Variants in MYZAP observed in about 807,000 individuals in gnomAD.
MYZAP encodes the protein GRINL1A complex locus upstream.
In MYZAP, 66 loss-of-function variants were observed where a neutral mutation model predicts 69.4. That is an observed-to-expected ratio of 0.95 (90% CI 0.78 to 1.17). The LOEUF (loss-of-function observed/expected upper bound fraction) is 1.17. Among genes scored for constraint, MYZAP ranks in the 50% most tolerant of loss-of-function variants. The pLI is 0.00. For missense variants in MYZAP, 611 were observed against 556.2 expected, an observed-to-expected ratio of 1.10 and a Z score of -0.99; for synonymous variants, 256 against 205.9, an observed-to-expected ratio of 1.24 and a Z score of -2.09.
intron 1 of MYZAP, among the ~76,000 whole-genome samples, chr15:57,592,643 A>G (rs970909165): frequency 2.2e-4 from 33 of 152,184 alleles, no homozygotes; most frequent in African/African-American, 7.5e-4. Flanking sequence ...TATGTAAACC[A>G]CTTTCTTCTG....
intron 3 of MYZAP, among the ~76,000 whole-genome samples, chr15:57,619,034 T>C (rs2035648554): frequency 1.3e-5 from 2 of 152,142 alleles, no homozygotes; most frequent in African/African-American, 4.8e-5. Flanking sequence ...AGCAAGTCAC[T>C]TTTGCTCTGT....
In MYZAP at chr15:57,629,879, T is replaced by C. The variant is rs146699810; in HGVS notation, c.678+25T>C. On this transcript the variant is annotated intron_variant, in intron 6 of 12. Coordinates refer to ENST00000267853, the MANE Select transcript of MYZAP (RefSeq NM_001018100.5). Reference sequence around the variant, plus strand: ...GGTGGAGTATAAAAGCCTAGATTTATTTTCTATGAACTTTTCTCCTCTTTA... The same window carrying C: ...GGTGGAGTATAAAAGCCTAGATTTACTTTCTATGAACTTTTCTCCTCTTTA... 3.7e-6 allele frequency: 6 copies of C among 1,605,552 alleles called. No individual in the cohort carries two copies. In the African/African-American group the frequency reaches 8.1e-5, roughly 22 times the overall value.
intron 10 of MYZAP, among the ~76,000 whole-genome samples, chr15:57,652,724 C>G (rs2037791019): frequency 6.6e-6 from 1 of 152,162 alleles, no homozygotes; most frequent in African/African-American, 2.4e-5. Context: ...GAGACGACGG[C>G]TGAAGCCCAA....
At chr15:57,613,305 T>C (rs2035229666) in intron 2 of MYZAP, among the ~76,000 whole-genome samples, 1 of 152,184 alleles carries the variant, frequency 6.6e-6, no homozygotes, top group Non-Finnish European at 1.5e-5. Flanking sequence ...AGTACATTTT[T>C]TAAAATTTGT....
intron 6 of MYZAP, among the ~76,000 whole-genome samples, chr15:57,631,289 G>C (rs2036489818): frequency 1.3e-5 from 2 of 152,248 alleles, no homozygotes; most frequent in African/African-American, 4.8e-5. Context: ...GAGGTGGCCT[G>C]TCACCAGGCA....
chr15:57,600,497 A>G (rs1391861022), intron 1 of MYZAP, among the ~76,000 whole-genome samples: 2 of 152,336 alleles, frequency 1.3e-5, no homozygotes, highest in East Asian at 3.9e-4. Context: ...TGCCCAGCTC[A>G]TCATAGGAAG....
chr15:57,663,755 G>T (rs190974120), intron 11 of MYZAP, among the ~76,000 whole-genome samples: 1 of 152,200 alleles, frequency 6.6e-6, no homozygotes, highest in Non-Finnish European at 1.5e-5. Flanking sequence ...AATGCCCAGA[G>T]GATGTAGCGG....
intron 12 of MYZAP, among the ~76,000 whole-genome samples, chr15:57,679,372 GTGTT>G (rs1251420426): frequency 2.5e-5 from 1 of 39,380 alleles, no homozygotes. Context: ...GTGTGTGTGT[GTGTT>G]TCTCTCTCTC....
chr15:57,603,088 A>G (rs1369683741), intron 1 of MYZAP, among the ~76,000 whole-genome samples: 4 of 152,126 alleles, frequency 2.6e-5, no homozygotes, highest in African/African-American at 9.7e-5. Context: ...TTAGACTTTA[A>G]AAAATCATTT....
intron 1 of MYZAP, among the ~76,000 whole-genome samples, chr15:57,598,509 G>A (rs1426758345): frequency 1.3e-5 from 2 of 152,158 alleles, no homozygotes; most frequent in Non-Finnish European, 2.9e-5. Flanking sequence ...AAGTGGTGAC[G>A]GTACAAAGCT....
chr15:57,676,422 GTATATATATATATGTATA>G (rs1567242145), intron 12 of MYZAP, among the ~76,000 whole-genome samples: 1 of 24,662 alleles, frequency 4.1e-5, no homozygotes, highest in African/African-American at 6.4e-5. Flanking sequence ...ATATATATGT[GTATATATATATATGTATA>G]TATATATATA....
Position 57,612,383 on chromosome 15 carries a change from C to G in MYZAP, c.163-5650C>G, listed in dbSNP as rs147865730. 6.2e-3 allele frequency among the ~76,000 whole-genome samples: 937 copies of G among 152,284 alleles called. 19 individuals carry two copies. Among genetic ancestry groups the G allele is most frequent in the African/African-American group, 0.021 (888 of 41,538 alleles). ...GTTTGATGCATGTTGAGCTGCATTT[C>G]TGCTCTTATTTCCCCTAAGAATGCT... On this transcript the variant is annotated intron_variant, in intron 2 of 12. Coordinates refer to ENST00000267853, the MANE Select transcript of MYZAP (RefSeq NM_001018100.5).
At chr15:57,674,817 A>T (rs1356362298) in intron 11 of MYZAP, 151 bp from the exon 12 acceptor site, 2 of 632,086 alleles carry the variant, frequency 3.2e-6, no homozygotes, top group Non-Finnish European at 5.3e-6. Flanking sequence ...TATTTCTTCA[A>T]CAACTATTGT....
chr15:57,677,742 G>A (rs2039213005), intron 12 of MYZAP, among the ~76,000 whole-genome samples: 3 of 152,322 alleles, frequency 2.0e-5, no homozygotes, highest in African/African-American at 7.2e-5. Flanking sequence ...AGTCAGGGAG[G>A]CTCAGGCTGT....
intron 2 of MYZAP, among the ~76,000 whole-genome samples, chr15:57,610,488 C>T (rs1201353733): frequency 1.3e-5 from 2 of 152,236 alleles, no homozygotes; most frequent in East Asian, 1.9e-4. Context: ...ACTCTGCGTG[C>T]CCCTCAGAGA....
At chr15:57,663,961 C>T (rs2038440209) in intron 11 of MYZAP, among the ~76,000 whole-genome samples, 1 of 151,496 alleles carries the variant, frequency 6.6e-6, no homozygotes, top group Non-Finnish European at 1.5e-5. Context: ...ACAATATATA[C>T]AAAAAAAGTT....
intron 10 of MYZAP, among the ~76,000 whole-genome samples, chr15:57,649,140 A>G (rs1280632614): frequency 6.6e-6 from 1 of 152,118 alleles, no homozygotes; most frequent in African/African-American, 2.4e-5. Context: ...ATTGTAACTT[A>G]TTTATCCTAT....
intron 10 of MYZAP, among the ~76,000 whole-genome samples, chr15:57,657,226 A>G (rs908302895): frequency 6.6e-6 from 1 of 152,182 alleles, no homozygotes; most frequent in Non-Finnish European, 1.5e-5. Context: ...CACTTTTTAC[A>G]TCATTTGATT....
At position 57,639,210 on chromosome 15, in the gene MYZAP, A is replaced by AT. The variant is rs1242153297; in HGVS notation, c.1014-227dup. The stretch of plus-strand genomic sequence containing the variant: ...AGATACATGTTTTCTATTTTTATTT[A>AT]TTTATTTTTTTTTTTTGTGGAGATG... On this transcript the variant is annotated intron_variant, in intron 9 of 12. Transcript: ENST00000267853. 3.4e-4 allele frequency among the ~76,000 whole-genome samples: 48 copies of AT among 139,332 alleles called. No individual in the cohort carries two copies. The South Asian group carries it at 3.9e-3, about 11-fold the overall frequency. 91.4% of individuals were successfully genotyped at this position (139,332 alleles called of 152,430 possible).
Sources: allele counts gnomAD v4.1 joint callset (sites outside exome capture counted in the v4.1 genomes callset), GRCh38; gene constraint gnomAD v4.1.1; transcripts MANE v1.5; gene names NCBI Gene and HGNC (gene_info 2026-07-23, HGNC 2026-07-21).